Variants in CDH10 observed in about 807,000 individuals in gnomAD.
CDH10 encodes cadherin 10, also known as cadherin-10.
Under a neutral mutation model 73.1 loss-of-function variants are expected in CDH10, and 30 were observed. The observed-to-expected ratio is 0.41, with a 90% CI of 0.31 to 0.56. The LOEUF is 0.56. Among genes scored for constraint, CDH10 ranks in the 20% least tolerant of loss-of-function variants. The probability of loss-of-function intolerance (pLI) is 0.27; values close to 1 mark genes in which losing one functional copy is unlikely to be tolerated. For missense variants in CDH10, 815 were observed against 973.7 expected, an observed-to-expected ratio of 0.84 and a Z score of 2.17; for synonymous variants, 345 against 348.2, an observed-to-expected ratio of 0.99 and a Z score of 0.10.
At chr5:24,613,749 T>C (rs1164026018) in intron 1 of CDH10, among the ~76,000 whole-genome samples, 1 of 152,126 alleles carries the variant, frequency 6.6e-6, no homozygotes, top group African/African-American at 2.4e-5. Context: ...TATTCTGTGG[T>C]ACGGATAAAA....
intron 1 of CDH10, among the ~76,000 whole-genome samples, chr5:24,601,121 A>T (rs1746548078): frequency 6.6e-6 from 1 of 152,156 alleles, no homozygotes; most frequent in South Asian, 2.1e-4. Flanking sequence ...AAATAAATTA[A>T]ATCATTTTCA....
At chr5:24,587,911 T>C (rs1451479941) in intron 2 of CDH10, among the ~76,000 whole-genome samples, 1 of 152,298 alleles carries the variant, frequency 6.6e-6, no homozygotes, top group East Asian at 1.9e-4. Context: ...TATTATTGTA[T>C]TGAGAGATAC....
chr5:24,572,368 G>C (rs1745415713), intron 2 of CDH10, among the ~76,000 whole-genome samples: 1 of 152,066 alleles, frequency 6.6e-6, no homozygotes, highest in Non-Finnish European at 1.5e-5. Flanking sequence ...AAAAATGCCA[G>C]CACCTTCTTT....
Position 24,505,126 on chromosome 5 carries a change from A to G in CDH10, c.1379T>C (p.Ile460Thr), listed in dbSNP as rs1226274376. Residue 460 changes from isoleucine (I) to threonine (T), a missense_variant, in exon 8 of 12, where the codon ATT (isoleucine) becomes ACT (threonine). By Grantham distance (89) the Ile-to-Thr change is moderately conservative. This residue lies in a region of CDH10 where 516 missense variants were observed against 636.6 expected (regional missense o/e 0.81). Transcript: ENST00000264463. The part of the protein sequence containing the change: ...ELSQWHNLTV[I>T]AAEINNPKET... Reference sequence around the variant, plus strand: ...ATTCATCTTACTGATTTCAGCAGCAATAACAGTAAGATTATGCCACTGAGA... The same window carrying G: ...ATTCATCTTACTGATTTCAGCAGCAGTAACAGTAAGATTATGCCACTGAGA... 4.3e-6 allele frequency: 7 copies of G among 1,610,768 alleles called. No individual in the cohort carries two copies. The highest frequency in any genetic ancestry group is 2.2e-5 in the East Asian group (1 of 44,774).
intron 9 of CDH10, among the ~76,000 whole-genome samples, chr5:24,497,279 G>T (rs1742325851): frequency 6.6e-6 from 1 of 151,954 alleles, no homozygotes; most frequent in Non-Finnish European, 1.5e-5. Context: ...GATGTATGCA[G>T]CAGTAGCAAA....
At chr5:24,633,245 C>G (rs1046208011) in intron 1 of CDH10, among the ~76,000 whole-genome samples, 20 of 151,708 alleles carry the variant, frequency 1.3e-4, no homozygotes, top group African/African-American at 4.6e-4. Context: ...TAGGTACATA[C>G]TAGTAAAATT....
intron 2 of CDH10, among the ~76,000 whole-genome samples, chr5:24,564,151 T>C (rs6890775): frequency 0.83 from 126,186 of 152,148 alleles, 52,373 homozygotes; most frequent in East Asian, 0.91. Flanking sequence ...TTCATTGCTA[T>C]TGGGACACTG....
At chr5:24,550,037 T>A (rs961989475) in intron 2 of CDH10, among the ~76,000 whole-genome samples, 1 of 152,118 alleles carries the variant, frequency 6.6e-6, no homozygotes, top group African/African-American at 2.4e-5. Context: ...AGGAAAATGA[T>A]CCCAGATAAA....
intron 2 of CDH10, among the ~76,000 whole-genome samples, chr5:24,567,520 G>A (rs376571617): frequency 1.5e-4 from 23 of 151,408 alleles, no homozygotes; most frequent in Admixed American, 5.3e-4. Context: ...CAAAAAATAC[G>A]CTGAGAAAAA....
At chr5:24,639,214 A>G (rs1747963361) in intron 1 of CDH10, among the ~76,000 whole-genome samples, 1 of 151,674 alleles carries the variant, frequency 6.6e-6, no homozygotes, top group Admixed American at 6.6e-5. Context: ...CGCTTCAGTA[A>G]TTATGAAAAT....
At chr5:24,489,528 T>C (rs2111622571) in intron 11 of CDH10, among the ~76,000 whole-genome samples, 1 of 152,272 alleles carries the variant, frequency 6.6e-6, no homozygotes, top group Non-Finnish European at 1.5e-5. Flanking sequence ...AAATCTCAGA[T>C]TATTTATCAT....
chr5:24,641,265 G>A (rs192837377), intron 1 of CDH10, among the ~76,000 whole-genome samples: 2 of 151,990 alleles, frequency 1.3e-5, no homozygotes, highest in African/African-American at 4.8e-5. Context: ...GGGCACAGGC[G>A]ACCCAGAGCT....
At chr5:24,535,559 G>T in intron 4 of CDH10, 144 bp downstream of exon 4, 3 of 769,510 alleles carry the variant, frequency 3.9e-6, no homozygotes, top group Non-Finnish European at 6.2e-6. Context: ...ATTTAACTTT[G>T]AGTTCTTATA....
At chr5:24,505,789 T>C (rs968473658) in intron 7 of CDH10, among the ~76,000 whole-genome samples, 1 of 152,180 alleles carries the variant, frequency 6.6e-6, no homozygotes. Context: ...TTATTACACA[T>C]ATTGCTTTTA....
At position 24,523,773 on chromosome 5, in the gene CDH10, T is replaced by G. The variant is rs553580833; in HGVS notation, c.814+11339A>C. 3.3e-5 allele frequency among the ~76,000 whole-genome samples: 5 copies of G among 152,296 alleles called. No individual in the cohort carries two copies. In the South Asian group the frequency reaches 1.0e-3, roughly 32 times the overall value. ...AATATTTGTTACAAGGTGTATTTCA[T>G]GTTTATGAGAGTTAGTGTTTTTCAT... On this transcript the variant is annotated intron_variant, in intron 5 of 11. Coordinates refer to ENST00000264463, the MANE Select transcript of CDH10 (RefSeq NM_006727.5).
Position 24,537,592 on chromosome 5 carries a change from T to A in CDH10, c.314A>T (p.Asp105Val), listed in dbSNP as rs2111896406. ...GDGAGTLFII[D>V]EKTGDIHATR... ...GGCATGAATATCACCTGTTTTTTCA[T>A]CAATAATAAAAAGAGTACCAGCTCC... The change falls in exon 3 of 12, where the codon GAT (aspartate) becomes GTT (valine). Residue 105 changes from aspartate (D) to valine (V), a missense_variant. Asp to Val is a radical substitution (Grantham distance 152). Transcript: ENST00000264463. 1 of 1,609,446 alleles carries A rather than the reference T, an allele frequency of 6.2e-7. No homozygotes were observed. The highest frequency in any genetic ancestry group is 8.5e-7 in the Non-Finnish European group (1 of 1,176,054).
intron 5 of CDH10, among the ~76,000 whole-genome samples, chr5:24,530,618 G>T (rs748603238): frequency 5.9e-5 from 9 of 151,974 alleles, no homozygotes; most frequent in Non-Finnish European, 1.3e-4. Context: ...TGTTTGGTTG[G>T]AGAGCAGGAA....
At chr5:24,585,623 C>T (rs1337397024) in intron 2 of CDH10, among the ~76,000 whole-genome samples, 1 of 152,074 alleles carries the variant, frequency 6.6e-6, no homozygotes, top group Non-Finnish European at 1.5e-5. Flanking sequence ...AGGGTTTCAC[C>T]ATATTGTCCA....
In CDH10 at chr5:24,535,692, T is replaced by G; in HGVS notation, c.646+11A>C. On this transcript the variant is annotated intron_variant, in intron 4 of 11. Coordinates refer to ENST00000264463, the MANE Select transcript of CDH10 (RefSeq NM_006727.5). ...GATCAAATGAACAAACAGCAATTCA[T>G]GATTCCTGACCTGTTTCAGGCTCCA... 6.2e-7 allele frequency: 1 copy of G among 1,602,264 alleles called. No individual in the cohort carries two copies. The highest frequency in any genetic ancestry group is 8.5e-7 in the Non-Finnish European group (1 of 1,174,580).
Sources: gnomAD v4.1 joint callset for allele counts (sites outside exome capture counted in the v4.1 genomes callset) on GRCh38, gnomAD v4.1.1 for gene constraint, gnomAD v4.1.1 regional missense constraint, MANE v1.5 for transcripts, NCBI Gene and HGNC (gene_info 2026-07-23, HGNC 2026-07-21) for gene names.